Variants in TFEC observed in about 807,000 individuals in gnomAD.
TFEC encodes the protein transcription factor EC.
In TFEC, 31 loss-of-function variants were observed where a neutral mutation model predicts 41.6. The ratio of observed to expected loss-of-function variants is 0.74; its 90% CI spans 0.56 to 1.01. TFEC has a LOEUF of 1.01. Among genes scored for constraint, TFEC ranks in the 50% least tolerant of loss-of-function variants. The probability of loss-of-function intolerance (pLI) is 0.00; values close to 1 mark genes in which losing one functional copy is unlikely to be tolerated. For missense variants in TFEC, 402 were observed against 404.1 expected (o/e 0.99, Z 0.04); for synonymous variants, 143 against 140.6 (o/e 1.02, Z -0.12).
At chr7:116,120,646 C>T (rs1798090648) in intron 1 of TFEC, among the ~76,000 whole-genome samples, 1 of 151,966 alleles carries the variant, frequency 6.6e-6, no homozygotes. Flanking sequence ...CTTTCTTAAA[C>T]ATAGTTTCAT....
Position 115,947,298 on chromosome 7 carries a change from T to C in TFEC, c.515+3576A>G, listed in dbSNP as rs1363837976. ...TATTCCATGGTGGATATGTGCCACA[T>C]TTTCTTAATCCAGTCTATCATTGCT... On this transcript the variant is annotated intron_variant, in intron 6 of 7. Transcript: ENST00000265440. Among the ~76,000 whole-genome samples, 5 of 151,686 alleles carry C rather than the reference T, an allele frequency of 3.3e-5. 1 individual carries two copies. The highest frequency in any genetic ancestry group is 5.9e-5 in the Non-Finnish European group (4 of 67,954).
chr7:116,022,625 T>C (rs1473383239), intron 1 of TFEC, among the ~76,000 whole-genome samples: 1 of 152,228 alleles, frequency 6.6e-6, no homozygotes, highest in Non-Finnish European at 1.5e-5. Context: ...ACTAGCTATG[T>C]AGAGGCATGG....
At chr7:116,125,597 T>C (rs1327820382) in intron 1 of TFEC, among the ~76,000 whole-genome samples, 1 of 152,082 alleles carries the variant, frequency 6.6e-6, no homozygotes, top group South Asian at 2.1e-4. Flanking sequence ...GTTGGCGGAA[T>C]GTATGGTAGT....
chr7:116,146,627 A>G (rs1347758560), intron 1 of TFEC, among the ~76,000 whole-genome samples: 3 of 152,184 alleles, frequency 2.0e-5, no homozygotes, highest in Non-Finnish European at 4.4e-5. Flanking sequence ...CAAACCTTCT[A>G]TAGACAAACT....
upstream of TFEC, among the ~76,000 whole-genome samples, chr7:116,034,366 T>C (rs529122175): frequency 6.6e-6 from 1 of 152,216 alleles, no homozygotes; most frequent in South Asian, 2.1e-4. Context: ...ACCTACTCTA[T>C]GTTTGCATTT....
chr7:116,040,722 G>C (rs967864479), intron 3 of TFEC, among the ~76,000 whole-genome samples: 9 of 152,114 alleles, frequency 5.9e-5, no homozygotes, highest in African/African-American at 9.7e-5. Flanking sequence ...CATGGCTGTT[G>C]AAACTGTCTC....
intron 1 of TFEC, among the ~76,000 whole-genome samples, chr7:116,117,713 TACAGAAATAA>T (rs1798022631): frequency 6.6e-6 from 1 of 151,900 alleles, no homozygotes. Context: ...TGATCTCTTT[TACAGAAATAA>T]ACAGTGTGCC....
At chr7:116,015,406 A>G (rs940095865) in intron 1 of TFEC, among the ~76,000 whole-genome samples, 1 of 152,168 alleles carries the variant, frequency 6.6e-6, no homozygotes, top group African/African-American at 2.4e-5. Context: ...AAGAAAGTGT[A>G]GATGAGAACA....
At chr7:115,971,661 T>C (rs1381419037) in intron 3 of TFEC, among the ~76,000 whole-genome samples, 2 of 151,982 alleles carry the variant, frequency 1.3e-5, no homozygotes, top group African/African-American at 2.4e-5. Flanking sequence ...AAACAATCTC[T>C]GGCAAAGGAA....
At chr7:116,018,701 TG>T (rs1419961443) in intron 1 of TFEC, among the ~76,000 whole-genome samples, 1 of 152,180 alleles carries the variant, frequency 6.6e-6, no homozygotes, top group Non-Finnish European at 1.5e-5. Context: ...ATTCGTCTAT[TG>T]AGTGTATGGG....
chr7:116,121,198 A>G (rs1476136783), intron 1 of TFEC, among the ~76,000 whole-genome samples: 1 of 152,024 alleles, frequency 6.6e-6, no homozygotes, highest in Non-Finnish European at 1.5e-5. Flanking sequence ...TATACCCTCA[A>G]TGGAATATTA....
At chr7:116,038,140 AC>A (rs1371892750) in intron 3 of TFEC, among the ~76,000 whole-genome samples, 2 of 151,976 alleles carry the variant, frequency 1.3e-5, no homozygotes, top group Non-Finnish European at 2.9e-5. Flanking sequence ...GTTTCTAGAA[AC>A]CTTTAAGGCA....
At chr7:116,095,614 T>C (rs997089489) in intron 3 of TFEC, among the ~76,000 whole-genome samples, 3 of 152,206 alleles carry the variant, frequency 2.0e-5, no homozygotes, top group Admixed American at 2.0e-4. Flanking sequence ...AAGTAGCCTT[T>C]TATATTTTGA....
chr7:115,986,038 A>G (rs991632634), intron 1 of TFEC, among the ~76,000 whole-genome samples: 32 of 152,190 alleles, frequency 2.1e-4, no homozygotes, highest in Non-Finnish European at 4.7e-4. Context: ...AATTTACAAC[A>G]TGCATTAACT....
intron 1 of TFEC, among the ~76,000 whole-genome samples, chr7:116,027,227 C>A (rs535892669): frequency 6.6e-6 from 1 of 152,188 alleles, no homozygotes; most frequent in East Asian, 1.9e-4. Context: ...AGGAAAGATG[C>A]CGCATAGAAT....
chr7:116,134,006 C>G (rs1225233356), intron 1 of TFEC, among the ~76,000 whole-genome samples: 1 of 152,064 alleles, frequency 6.6e-6, no homozygotes, highest in Admixed American at 6.5e-5. Flanking sequence ...GCAAACCAAG[C>G]CAAGAGATAG....
rs773670847 is a variant in TFEC at position 115,940,518 on chromosome 7, C to T, written c.*33G>A. On this transcript the variant is annotated 3_prime_UTR_variant, in exon 8 of 8. Transcript: ENST00000265440. ...ATTGCATAGCACCAGCATAGAATTG[C>T]TTTCCAGTTGATGAATTGGGTCTGT... 6.4e-7 allele frequency: 1 copy of T among 1,569,214 alleles called. No individual in the cohort carries two copies. The highest frequency in any genetic ancestry group is 1.2e-5 in the South Asian group (1 of 83,598).
chr7:116,016,458 G>C (rs1337212242), intron 1 of TFEC, among the ~76,000 whole-genome samples: 1 of 152,060 alleles, frequency 6.6e-6, no homozygotes, highest in Admixed American at 6.5e-5. Flanking sequence ...CCCTATCTCT[G>C]TGTGAGGATG....
At chr7:116,098,983 T>C (rs1459207432) in intron 3 of TFEC, among the ~76,000 whole-genome samples, 2 of 152,068 alleles carry the variant, frequency 1.3e-5, no homozygotes, top group African/African-American at 2.4e-5. Context: ...TTCAGCAAAA[T>C]ACTGGCAAAT....
Sources: gnomAD v4.1 joint callset for allele counts (sites outside exome capture counted in the v4.1 genomes callset) on GRCh38, gnomAD v4.1.1 for gene constraint, MANE v1.5 for transcripts, NCBI Gene and HGNC (gene_info 2026-07-23, HGNC 2026-07-21) for gene names.